Variants in HERC2 observed in about 807,000 individuals in gnomAD.
The protein encoded by HERC2 is HECT and RLD domain containing E3 ubiquitin protein ligase 2, also known as E3 ubiquitin-protein ligase HERC2.
In HERC2, 102 loss-of-function variants were observed where a neutral mutation model predicts 537.7. The observed-to-expected ratio is 0.19, with a 90% CI of 0.16 to 0.22. HERC2 has a LOEUF of 0.22. Among genes scored for constraint, HERC2 ranks in the 10% least tolerant of loss-of-function variants. The pLI is 1.00. For synonymous variants in HERC2, 2,224 were observed against 2,466.2 expected, an observed-to-expected ratio of 0.90 and a Z score of 2.91; for missense variants, 4,236 against 6,198.2, an observed-to-expected ratio of 0.68 and a Z score of 10.63.
intron 74 of HERC2, 48 bp from the exon 75 acceptor site, chr15:28,143,000 G>A: frequency 6.3e-7 from 1 of 1,589,924 alleles, no homozygotes; most frequent in Non-Finnish European, 8.6e-7. Context: ...CAGGTGCCGG[G>A]GAGGCTGACC....
intron 55 of HERC2, among the ~76,000 whole-genome samples, chr15:28,189,531 T>A (rs1896633275): frequency 6.6e-6 from 1 of 152,252 alleles, no homozygotes; most frequent in Non-Finnish European, 1.5e-5. Flanking sequence ...AGTTTGCCAA[T>A]TTCTTCACTT....
chr15:28,250,319 C>T (rs1385818841), intron 20 of HERC2, among the ~76,000 whole-genome samples: 1 of 152,080 alleles, frequency 6.6e-6, no homozygotes, highest in Non-Finnish European at 1.5e-5. Context: ...TCACTGGGCT[C>T]ACCACCACCA....
At chr15:28,282,944 G>A (rs2076059412) in intron 4 of HERC2, among the ~76,000 whole-genome samples, 1 of 148,238 alleles carries the variant, frequency 6.7e-6, no homozygotes, top group African/African-American at 2.6e-5. Flanking sequence ...GAAGGGACGG[G>A]AAGGGATGGG....
chr15:28,114,840 C>CG, intron 89 of HERC2, 38 bp from the exon 90 acceptor site: 1 of 1,566,650 alleles, frequency 6.4e-7, no homozygotes. Context: ...TGTCGACTCA[C>CG]GGCTCATCTC....
chr15:28,180,917 T>C (rs1186682875), intron 57 of HERC2, among the ~76,000 whole-genome samples: 1 of 152,234 alleles, frequency 6.6e-6, no homozygotes, highest in Non-Finnish European at 1.5e-5. Context: ...TACACTGTTT[T>C]ATATCAGGGA....
At chr15:28,259,809 A>C (rs1283900050) in intron 16 of HERC2, among the ~76,000 whole-genome samples, 2 of 151,354 alleles carry the variant, frequency 1.3e-5, no homozygotes, top group Non-Finnish European at 2.9e-5. Flanking sequence ...AAAAAAAAAA[A>C]ATACAAAAAT....
intron 2 of HERC2, among the ~76,000 whole-genome samples, chr15:28,318,339 T>TG (rs2077144686): frequency 6.6e-6 from 1 of 151,944 alleles, no homozygotes; most frequent in African/African-American, 2.4e-5. Context: ...AGAAAAGTGT[T>TG]GAACAGGCCG....
At chr15:28,307,998 G>C (rs2076838677) in intron 2 of HERC2, among the ~76,000 whole-genome samples, 1 of 151,234 alleles carries the variant, frequency 6.6e-6, no homozygotes, top group Non-Finnish European at 1.5e-5. Flanking sequence ...CCTCCAGTTT[G>C]TTTCTTTTCA....
At chr15:28,129,916 C>G (rs909788668) in intron 83 of HERC2, among the ~76,000 whole-genome samples, 23 of 152,048 alleles carry the variant, frequency 1.5e-4, no homozygotes, top group African/African-American at 5.3e-4. Context: ...AGCTGAGATG[C>G]AGGCGCGCGC....
In HERC2 at chr15:28,122,673, G is replaced by T. The variant is rs1239786617; in HGVS notation, c.13189-1244C>A. On this transcript the variant is annotated intron_variant, in intron 85 of 92. Transcript: ENST00000261609. This position sits in a 1 kb window ranked among gnomAD's most constrained non-coding sequence, Gnocchi z 4.1. ...ATTTTGGTGCTCTGGACCGGGAGTAGTAACACCCACTCTCTGAGGCCGATC... is the reference window on the plus strand; with the variant it reads ...ATTTTGGTGCTCTGGACCGGGAGTATTAACACCCACTCTCTGAGGCCGATC... Among the ~76,000 whole-genome samples, 1 of 152,092 alleles carries T rather than the reference G, an allele frequency of 6.6e-6. No homozygotes were observed. Among genetic ancestry groups the T allele is most frequent in the African/African-American group, 2.4e-5 (1 of 41,422 alleles).
At chr15:28,195,416 G>A (rs549969815) in intron 52 of HERC2, among the ~76,000 whole-genome samples, 3 of 152,202 alleles carry the variant, frequency 2.0e-5, no homozygotes, top group Non-Finnish European at 2.9e-5. Flanking sequence ...AGCCAAGATC[G>A]TGCCACTGCA....
At chr15:28,227,901 A>T (rs1217545925) in intron 35 of HERC2, among the ~76,000 whole-genome samples, 2 of 152,210 alleles carry the variant, frequency 1.3e-5, no homozygotes, top group Admixed American at 6.5e-5. Flanking sequence ...AATATCCAGG[A>T]TATGCAAATC....
chr15:28,219,739 T>C (rs1900317677), intron 37 of HERC2, among the ~76,000 whole-genome samples: 1 of 152,186 alleles, frequency 6.6e-6, no homozygotes, highest in Non-Finnish European at 1.5e-5. Flanking sequence ...CTGAGCCTGA[T>C]GACACTGTAG....
Position 28,132,820 on chromosome 15 carries a change from G to A in HERC2, c.12241C>T (p.Arg4081Cys), listed in dbSNP as rs762031308. The A allele has an allele frequency of 9.1e-6, 14 of 1,543,592 alleles. No individual in the cohort carries two copies. Among genetic ancestry groups the A allele is most frequent in the African/African-American group, 2.8e-5 (2 of 71,398 alleles). The change falls in exon 80 of 93, where the codon CGC becomes TGC. Residue 4081 changes from arginine (R) to cysteine (C), a missense_variant. Around this residue, in one of 27 missense-constraint regions of HERC2, gnomAD observed 94 missense variants for 137.4 expected, o/e 0.68. Transcript: ENST00000261609. ...CTCAGAGACTCGATGACACGAGGGCGGTCACACGGACTGCAAAAAAGTCAC... is the reference window on the plus strand; with the variant it reads ...CTCAGAGACTCGATGACACGAGGGCAGTCACACGGACTGCAAAAAAGTCAC... ...LGHGNRSPCD[R>C]PRVIESLRGI...
rs2075631348 is a variant in HERC2 at position 28,268,486 on chromosome 15, C to T, written c.1577G>A (p.Arg526Gln). 8.7e-6 allele frequency: 14 copies of T among 1,613,960 alleles called. No homozygotes were observed. Among genetic ancestry groups the T allele is most frequent in the African/African-American group, 2.7e-5 (2 of 75,012 alleles). Residue 526 changes from arginine to glutamine, a missense_variant, in exon 12 of 93, where the codon CGG becomes CAG. Around this residue, in one of 27 missense-constraint regions of HERC2, gnomAD observed 754 missense variants for 1,085.0 expected, o/e 0.69. Coordinates refer to ENST00000261609, the MANE Select transcript of HERC2 (RefSeq NM_004667.6). This position sits in a 1 kb window ranked among gnomAD's most constrained non-coding sequence, Gnocchi z 4.7. ...VYSWGCGDGG[R>Q]LGHGDTVPLE... Reference sequence around the variant, plus strand: ...ATACACAGTGTCCCCATGGCCCAGCCGTCCGCCGTCCCCACAGCCCCAGGA... The same window carrying T: ...ATACACAGTGTCCCCATGGCCCAGCTGTCCGCCGTCCCCACAGCCCCAGGA...
intron 86 of HERC2, 118 bp from the exon 87 acceptor site, chr15:28,117,272 G>T: frequency 9.8e-7 from 1 of 1,024,676 alleles, no homozygotes; most frequent in Non-Finnish European, 1.5e-6. Flanking sequence ...GCCCCTCCCT[G>T]GTCACACACC....
At chr15:28,130,015 C>A (rs1043894779) in intron 83 of HERC2, 148 bp downstream of exon 83, 5 of 864,614 alleles carry the variant, frequency 5.8e-6, no homozygotes, top group Non-Finnish European at 8.9e-6. Flanking sequence ...CCTCGTGATC[C>A]GCCTGCCTCA....
intron 2 of HERC2, chr15:28,312,866 C>G (rs2076983854): frequency 3.3e-6 from 1 of 302,412 alleles, no homozygotes; most frequent in Admixed American, 6.5e-5. Flanking sequence ...ACATTCCTAT[C>G]TTACACCTCT....
chr15:28,279,452 C>A (rs1236477389), intron 5 of HERC2, among the ~76,000 whole-genome samples: 2 of 152,154 alleles, frequency 1.3e-5, no homozygotes, highest in Non-Finnish European at 2.9e-5. Context: ...CCAATTTATA[C>A]TTGAGCTGAT....
Sources: gnomAD v4.1 joint callset for allele counts (sites outside exome capture counted in the v4.1 genomes callset) on GRCh38, gnomAD v4.1.1 for gene constraint, gnomAD v4.1.1 regional missense constraint, Gnocchi (gnomAD v3.1) non-coding constraint, MANE v1.5 for transcripts, NCBI Gene and HGNC (gene_info 2026-07-23, HGNC 2026-07-21) for gene names.